Variants in CEP152 observed in about 807,000 individuals in gnomAD.
The protein encoded by CEP152 is centrosomal protein of 152 kDa.
CEP152 carries 132 observed loss-of-function variants against 188.9 expected under a neutral mutation model. The ratio of observed to expected loss-of-function variants is 0.70; its 90% CI spans 0.61 to 0.81. The LOEUF is 0.81. CEP152 is among the 30% of genes least tolerant of loss of function. The pLI, the probability that CEP152 is intolerant of heterozygous loss-of-function variation, is 0.00. For missense variants in CEP152, 1,914 were observed against 1,969.8 expected, an observed-to-expected ratio of 0.97 and a Z score of 0.54; for synonymous variants, 649 against 666.6, an observed-to-expected ratio of 0.97 and a Z score of 0.41.
At chr15:48,736,638 A>G (rs1892614539), downstream of CEP152, among the ~76,000 whole-genome samples, 1 of 152,128 alleles carries the variant, frequency 6.6e-6, no homozygotes, top group Non-Finnish European at 1.5e-5. Context: ...CCTATACCAC[A>G]CCCTATCTCC....
chr15:48,796,681 C>T (rs778325254), intron 5 of CEP152, among the ~76,000 whole-genome samples: 4 of 152,034 alleles, frequency 2.6e-5, no homozygotes, highest in Admixed American at 1.3e-4. Flanking sequence ...CCTGTCATTG[C>T]GTGACACAGA....
At chr15:48,769,690 T>C (rs1172238641) in intron 13 of CEP152, among the ~76,000 whole-genome samples, 2 of 152,238 alleles carry the variant, frequency 1.3e-5, no homozygotes, top group African/African-American at 2.4e-5. Context: ...ACAATACAAA[T>C]ATCCTATTTC....
rs3074978 is a variant in CEP152 at position 48,796,289 on chromosome 15, T to TACACAC, written c.541-135_541-130dup. ...TACAGTTCAAAGTTGTTTATATATA[T>TACACAC]ACACACACACACACACACACACACA... On this transcript the variant is annotated intron_variant, in intron 5 of 26. Transcript: ENST00000380950. The TACACAC allele has an allele frequency of 3.1e-3, 1,712 of 548,996 alleles. 6 individuals are homozygous for TACACAC. The highest frequency in any genetic ancestry group is 3.4e-3 in the Non-Finnish European group (1,037 of 306,716). 34.0% of individuals were successfully genotyped at this position (548,996 alleles called of 1,614,324 possible).
chr15:48,751,316 AC>A (rs1893857758), intron 21 of CEP152, among the ~76,000 whole-genome samples: 1 of 152,186 alleles, frequency 6.6e-6, no homozygotes, highest in South Asian at 2.1e-4. Flanking sequence ...CATTCATTTC[AC>A]AGATTAAGAT....
At chr15:48,748,807 G>A (rs1595601119) in intron 21 of CEP152, among the ~76,000 whole-genome samples, 197 bp from the exon 22 acceptor site, 2 of 151,928 alleles carry the variant, frequency 1.3e-5, no homozygotes, top group East Asian at 1.9e-4. Context: ...GTGTGACTTG[G>A]AGCATATTAA....
chr15:48,738,629 T>C lies in CEP152; in HGVS notation c.4753A>G (p.Ser1585Gly). 1 of 1,614,216 alleles carries C rather than the reference T, an allele frequency of 6.2e-7. No individual in the cohort carries two copies. Among genetic ancestry groups the C allele is most frequent in the Non-Finnish European group, 8.5e-7 (1 of 1,180,038 alleles). Residue 1585 changes from serine (S) to glycine (G), a missense_variant, in exon 27 of 27, where the codon AGT becomes GGT. Ser to Gly is a moderately conservative substitution (Grantham distance 56, BLOSUM62 0). Transcript: ENST00000380950. ...PSSSATLSFD[S>G]REASFVHGRP... Reference sequence around the variant, plus strand: ...CCATGTACAAATGATGCTTCACGACTGTCAAAGGATAAGGTTGCACTGCTG... The same window carrying C: ...CCATGTACAAATGATGCTTCACGACCGTCAAAGGATAAGGTTGCACTGCTG...
chr15:48,796,102 G>C lies in CEP152; in HGVS notation c.599C>G (p.Ser200Cys). 6.2e-7 allele frequency: 1 copy of C among 1,613,886 alleles called. No individual in the cohort carries two copies. The highest frequency in any genetic ancestry group is 1.1e-5 in the South Asian group (1 of 91,072). ...YNKVTYKPYQ[S>C]SAQNNGSPAQ... Reference sequence around the variant, plus strand: ...TGGTGAGCCATTATTCTGGGCAGAAGACTGATAAGGTTTATATGTCACTTT... The same window carrying C: ...TGGTGAGCCATTATTCTGGGCAGAACACTGATAAGGTTTATATGTCACTTT... The change falls in exon 6 of 27, where the codon TCT becomes TGT. Residue 200 changes from serine (S) to cysteine (C), a missense_variant. Transcript: ENST00000380950.
intron 9 of CEP152, among the ~76,000 whole-genome samples, chr15:48,785,830 C>G (rs1359016294): frequency 6.7e-6 from 1 of 148,868 alleles, no homozygotes; most frequent in East Asian, 2.0e-4. Context: ...AGACATTTTT[C>G]AAGACTGAGA....
intron 12 of CEP152, among the ~76,000 whole-genome samples, chr15:48,779,720 C>T (rs1363727773): frequency 2.0e-5 from 3 of 152,210 alleles, no homozygotes; most frequent in African/African-American, 4.8e-5. Context: ...CTAAAGCCCA[C>T]GCTCTTCCCA....
In CEP152 at chr15:48,742,014, C is replaced by T. The variant is rs556909247; in HGVS notation, c.3922G>A (p.Ala1308Thr). ...AAATAATATTTGCGCATCTTTCGGGCGGTTTCTTGACGTTCTCGCAGTACC... is the reference window on the plus strand; with the variant it reads ...AAATAATATTTGCGCATCTTTCGGGTGGTTTCTTGACGTTCTCGCAGTACC... ...AEVLRERQET[A>T]RKMRKYYLIC... The change falls in exon 25 of 27, where the codon GCC (alanine) becomes ACC (threonine). Residue 1308 changes from alanine to threonine, a missense_variant. Physicochemically the swap from Ala to Thr is moderately conservative, Grantham distance 58. Coordinates refer to ENST00000380950, the MANE Select transcript of CEP152 (RefSeq NM_001194998.2). 1.9e-5 allele frequency: 30 copies of T among 1,614,130 alleles called. No individual in the cohort carries two copies. The highest frequency in any genetic ancestry group is 4.0e-5 in the African/African-American group (3 of 75,022).
chr15:48,730,354 T>A (rs1209265642), intron 2 of CEP152, among the ~76,000 whole-genome samples: 2 of 152,180 alleles, frequency 1.3e-5, no homozygotes, highest in Non-Finnish European at 2.9e-5. Context: ...TAGTCTGAGA[T>A]TGCAGTCCCA....
intron 12 of CEP152, among the ~76,000 whole-genome samples, chr15:48,780,299 A>G (rs1896163174): frequency 6.6e-6 from 1 of 152,210 alleles, no homozygotes; most frequent in Non-Finnish European, 1.5e-5. Context: ...AACTAGAATA[A>G]TACCATCTAC....
intron 15 of CEP152, among the ~76,000 whole-genome samples, 158 bp downstream of exon 15, chr15:48,768,061 C>G (rs1895255298): frequency 6.6e-6 from 1 of 152,184 alleles, no homozygotes; most frequent in South Asian, 2.1e-4. Context: ...GTTCCAAATT[C>G]TAATTTGAGA....
intron 12 of CEP152, among the ~76,000 whole-genome samples, chr15:48,780,519 A>T (rs1896175720): frequency 6.6e-6 from 1 of 152,222 alleles, no homozygotes; most frequent in African/African-American, 2.4e-5. Context: ...TTCAACAATG[A>T]TGACGAACTC....
At chr15:48,778,449 C>G (rs1595662345) in intron 12 of CEP152, among the ~76,000 whole-genome samples, 1 of 152,168 alleles carries the variant, frequency 6.6e-6, no homozygotes, top group Non-Finnish European at 1.5e-5. Flanking sequence ...AAAATATCAT[C>G]TAATAAACTG....
chr15:48,776,993 C>A (rs1036972568), intron 12 of CEP152, among the ~76,000 whole-genome samples: 3 of 151,924 alleles, frequency 2.0e-5, no homozygotes, highest in Admixed American at 2.0e-4. Flanking sequence ...ATGAGAAAAA[C>A]GTAATCATAA....
chr15:48,765,370 T>A (rs910888284), intron 17 of CEP152, among the ~76,000 whole-genome samples: 10 of 152,250 alleles, frequency 6.6e-5, no homozygotes, highest in South Asian at 2.1e-4. Flanking sequence ...AATTTTTTTT[T>A]AATTATACTT....
rs776760227 is a variant in CEP152 at position 48,798,001 on chromosome 15, G to C, written c.138C>G (p.Leu46=). Residue 46 remains leucine, a synonymous_variant, in exon 3 of 27, where the codon CTC becomes CTG. Coordinates refer to ENST00000380950, the MANE Select transcript of CEP152 (RefSeq NM_001194998.2). The part of the protein sequence containing the change: ...DLPHDMLDDD[L]SSPELQYSDC... Reference sequence around the variant, plus strand: ...CCGAATACTGGAGCTCTGGAGAGGAGAGGTCGTCATCCAGCATGTCATGGG... The same window carrying C: ...CCGAATACTGGAGCTCTGGAGAGGACAGGTCGTCATCCAGCATGTCATGGG... 12 of 1,614,094 alleles carry C rather than the reference G, an allele frequency of 7.4e-6. No individual in the cohort carries two copies. The East Asian group carries it at 2.7e-4, about 36-fold the overall frequency.
chr15:48,802,312 A>G (rs1371328547), intron 2 of CEP152, among the ~76,000 whole-genome samples: 1 of 152,216 alleles, frequency 6.6e-6, no homozygotes, highest in East Asian at 1.9e-4. Context: ...GCAGCTCTCA[A>G]GTGGTACAAT....
Sources: allele counts gnomAD v4.1 joint callset (sites outside exome capture counted in the v4.1 genomes callset), GRCh38; gene constraint gnomAD v4.1.1; transcripts MANE v1.5; gene names NCBI Gene and HGNC (gene_info 2026-07-23, HGNC 2026-07-21).